Variants in LDB2 observed in about 807,000 individuals in gnomAD.
LDB2 encodes LIM domain binding 2, also known as LIM domain-binding protein 2.
Under a neutral mutation model 44.3 loss-of-function variants are expected in LDB2, and 12 were observed. The observed-to-expected ratio is 0.27, with a 90% CI of 0.17 to 0.44. The LOEUF (loss-of-function observed/expected upper bound fraction) is 0.44, where lower values mean the gene tolerates loss of function less well. Ranked by LOEUF, LDB2 falls within the 20% of genes least tolerant of loss-of-function variation. The pLI, the probability that LDB2 is intolerant of heterozygous loss-of-function variation, is 1.00. For synonymous variants in LDB2, 164 were observed against 174.8 expected (o/e 0.94, Z 0.49); for missense variants, 344 against 473.5 (o/e 0.73, Z 2.54).
At chr4:16,538,118 T>C (rs1300753668) in intron 5 of LDB2, among the ~76,000 whole-genome samples, 1 of 152,172 alleles carries the variant, frequency 6.6e-6, no homozygotes, top group Non-Finnish European at 1.5e-5. Flanking sequence ...ACCCAACCCA[T>C]GGACTGTTTG....
chr4:16,681,001 A>G (rs1442909833), intron 2 of LDB2, among the ~76,000 whole-genome samples: 1 of 152,216 alleles, frequency 6.6e-6, no homozygotes, highest in Non-Finnish European at 1.5e-5. Flanking sequence ...CCTCAGGACT[A>G]CTGGCCCTTG....
chr4:16,770,838 G>A (rs539863503), intron 1 of LDB2, among the ~76,000 whole-genome samples: 9 of 152,192 alleles, frequency 5.9e-5, no homozygotes, highest in African/African-American at 2.2e-4. Context: ...TGAAAATGAC[G>A]TGGAAAGGCA....
At chr4:16,710,624 T>C (rs1755654896) in intron 2 of LDB2, among the ~76,000 whole-genome samples, 1 of 152,166 alleles carries the variant, frequency 6.6e-6, no homozygotes, top group Non-Finnish European at 1.5e-5. Context: ...AAGCCACCCC[T>C]GTGTAGTCAA....
intron 2 of LDB2, among the ~76,000 whole-genome samples, chr4:16,621,751 G>A (rs566015090): frequency 1.3e-5 from 2 of 152,006 alleles, no homozygotes. Context: ...TAGAGACAAG[G>A]TCTTGTTATT....
chr4:16,707,576 G>A (rs937312327), intron 2 of LDB2, among the ~76,000 whole-genome samples: 19 of 151,954 alleles, frequency 1.3e-4, no homozygotes, highest in Non-Finnish European at 2.4e-4. Context: ...CTTCTCTACC[G>A]GCTTCATTTT....
At chr4:16,570,291 A>G (rs200074300) in intron 5 of LDB2, among the ~76,000 whole-genome samples, 1 of 151,202 alleles carries the variant, frequency 6.6e-6, no homozygotes, top group Non-Finnish European at 1.5e-5. Context: ...GTGAAACCCC[A>G]TCTCTACTAA....
chr4:16,654,449 A>G (rs1049252321), intron 2 of LDB2, among the ~76,000 whole-genome samples: 2 of 152,220 alleles, frequency 1.3e-5, no homozygotes, highest in African/African-American at 4.8e-5. Context: ...CCCCATCCTT[A>G]TGGAGTTGAG....
At chr4:16,719,523 C>A (rs902050484) in intron 2 of LDB2, among the ~76,000 whole-genome samples, 1 of 152,076 alleles carries the variant, frequency 6.6e-6, no homozygotes, top group African/African-American at 2.4e-5. Flanking sequence ...TCTTCCCATT[C>A]ATCCTTTTGA....
intron 1 of LDB2, among the ~76,000 whole-genome samples, chr4:16,807,495 T>C (rs16894033): frequency 6.6e-6 from 1 of 152,210 alleles, no homozygotes; most frequent in Non-Finnish European, 1.5e-5. Flanking sequence ...TTGTTTTACA[T>C]GTCCCCTTTC....
intron 3 of LDB2, among the ~76,000 whole-genome samples, chr4:16,594,492 T>A (rs1052942109): frequency 6.6e-6 from 1 of 152,136 alleles, no homozygotes; most frequent in African/African-American, 2.4e-5. Context: ...ACCCTACCCT[T>A]TCCTACATTT....
intron 1 of LDB2, among the ~76,000 whole-genome samples, chr4:16,854,730 A>G (rs922196356): frequency 1.9e-5 from 1 of 53,190 alleles, no homozygotes; most frequent in Non-Finnish European, 4.3e-5. Context: ...TTATGTGTGT[A>G]TATATATATA....
intron 1 of LDB2, among the ~76,000 whole-genome samples, chr4:16,884,551 T>G (rs1322465351): frequency 6.6e-6 from 1 of 152,146 alleles, no homozygotes; most frequent in Non-Finnish European, 1.5e-5. Context: ...TATTTGCATT[T>G]GCGTTCTTGC....
At chr4:16,572,365 G>A (rs540588014) in intron 5 of LDB2, among the ~76,000 whole-genome samples, 5 of 152,052 alleles carry the variant, frequency 3.3e-5, no homozygotes, top group African/African-American at 7.2e-5. Flanking sequence ...CCACCTTACC[G>A]TCTGTCTTGA....
chr4:16,774,063 G>A (rs919793544), intron 1 of LDB2, among the ~76,000 whole-genome samples: 1 of 149,890 alleles, frequency 6.7e-6, no homozygotes, highest in Non-Finnish European at 1.5e-5. Context: ...GCTGAGGCAG[G>A]AGAATTGCTT....
Position 16,672,832 on chromosome 4 carries a change from T to C in LDB2, c.236-76957A>G, listed in dbSNP as rs201950086. ...CTTGCGTGCCTGCCTGCCTGCCTTCTTTCCTTCCTTCCTTCCTTCCTTTCC... is the reference window on the plus strand; with the variant it reads ...CTTGCGTGCCTGCCTGCCTGCCTTCCTTCCTTCCTTCCTTCCTTCCTTTCC... On this transcript the variant is annotated intron_variant, in intron 2 of 7. Coordinates refer to ENST00000304523, the MANE Select transcript of LDB2 (RefSeq NM_001290.5). Among the ~76,000 whole-genome samples, 174 of 147,828 alleles carry C rather than the reference T, an allele frequency of 1.2e-3. 1 individual carries two copies. Among genetic ancestry groups the C allele is most frequent in the African/African-American group, 2.8e-3 (110 of 39,940 alleles).
At chr4:16,508,814 C>A in intron 6 of LDB2, 128 bp from the exon 7 acceptor site, 2 of 875,086 alleles carry the variant, frequency 2.3e-6, no homozygotes, top group South Asian at 3.1e-5. Context: ...TTTTCCATTT[C>A]TTATAGCTTT....
At chr4:16,765,263 G>C (rs1161942557) in intron 1 of LDB2, among the ~76,000 whole-genome samples, 1 of 152,188 alleles carries the variant, frequency 6.6e-6, no homozygotes, top group Non-Finnish European at 1.5e-5. Context: ...CAGGACCCTG[G>C]AGTTGGCCTC....
At chr4:16,551,688 T>G (rs1194289016) in intron 5 of LDB2, among the ~76,000 whole-genome samples, 1 of 152,120 alleles carries the variant, frequency 6.6e-6, no homozygotes, top group East Asian at 1.9e-4. Context: ...CAAATAATTT[T>G]TGTATTTTTA....
At chr4:16,799,556 G>A (rs1461203886) in intron 1 of LDB2, among the ~76,000 whole-genome samples, 1 of 152,188 alleles carries the variant, frequency 6.6e-6, no homozygotes, top group African/African-American at 2.4e-5. Flanking sequence ...TTAGGTTCCT[G>A]CCAACCTGTA....
Sources: gnomAD v4.1 joint callset for allele counts (sites outside exome capture counted in the v4.1 genomes callset) on GRCh38, gnomAD v4.1.1 for gene constraint, MANE v1.5 for transcripts, NCBI Gene and HGNC (gene_info 2026-07-23, HGNC 2026-07-21) for gene names.